NAV3: variants seen among roughly 807,000 people sequenced by gnomAD.
NAV3 encodes the protein pore membrane and/or filament interacting like protein 1.
NAV3 carries 87 observed loss-of-function variants against 244.7 expected under a neutral mutation model. The observed-to-expected ratio is 0.36, with a 90% CI of 0.30 to 0.42. The LOEUF (loss-of-function observed/expected upper bound fraction) is 0.42, where lower values mean the gene tolerates loss of function less well. Among genes scored for constraint, NAV3 ranks in the 20% least tolerant of loss-of-function variants. The pLI, the probability that NAV3 is intolerant of heterozygous loss-of-function variation, is 1.00. For synonymous variants in NAV3, 1,126 were observed against 1,042.2 expected, an observed-to-expected ratio of 1.08 and a Z score of -1.55; for missense variants, 2,663 against 2,893.3, an observed-to-expected ratio of 0.92 and a Z score of 1.83.
In NAV3 at chr12:78,128,549, C is replaced by T. The variant is rs143222812; in HGVS notation, c.4281-157C>T. On this transcript the variant is annotated intron_variant, in intron 17 of 39. Transcript: ENST00000397909. ...TTCCCTATGTGATTCAAACAGATGG[C>T]GTAAGATCATCTGGAAGAACTGAGC... Among the ~76,000 whole-genome samples the T allele has an allele frequency of 6.4e-4, 97 of 152,226 alleles. No individual in the cohort carries two copies. In the East Asian group the frequency reaches 8.3e-3, roughly 13 times the overall value.
At chr12:78,038,997 T>G (rs1434819498) in intron 9 of NAV3, among the ~76,000 whole-genome samples, 1 of 152,166 alleles carries the variant, frequency 6.6e-6, no homozygotes, top group African/African-American at 2.4e-5. Flanking sequence ...AAGAAGCCGG[T>G]ATGCCTTGGT....
At chr12:78,186,737 A>G (rs1289177764) in intron 31 of NAV3, among the ~76,000 whole-genome samples, 1 of 151,928 alleles carries the variant, frequency 6.6e-6, no homozygotes, top group Non-Finnish European at 1.5e-5. Flanking sequence ...TTGGACTTCC[A>G]TAATAAAATA....
intron 1 of NAV3, among the ~76,000 whole-genome samples, chr12:77,883,745 C>A (rs1882952398): frequency 6.6e-6 from 1 of 152,046 alleles, no homozygotes; most frequent in Non-Finnish European, 1.5e-5. Flanking sequence ...CCTCTTTTAT[C>A]TTGAAGATGG....
At chr12:77,697,443 C>T (rs1394770696) in intron 2 of NAV3, among the ~76,000 whole-genome samples, 1 of 152,150 alleles carries the variant, frequency 6.6e-6, no homozygotes, top group East Asian at 1.9e-4. Context: ...AAGCAAGTTG[C>T]TTAATCTCTC....
At chr12:77,998,245 CAT>C in intron 6 of NAV3, 90 bp from the exon 7 acceptor site, 1 of 904,972 alleles carries the variant, frequency 1.1e-6, no homozygotes, top group Non-Finnish European at 1.6e-6. Flanking sequence ...TTTAGAACAT[CAT>C]ATGTTGTAAA....
chr12:77,993,288 G>A (rs566404114), intron 5 of NAV3, among the ~76,000 whole-genome samples: 1 of 152,256 alleles, frequency 6.6e-6, no homozygotes, highest in East Asian at 1.9e-4. Flanking sequence ...AGACATAGTG[G>A]TAAACAGTTC....
intron 2 of NAV3, among the ~76,000 whole-genome samples, chr12:77,787,641 T>C (rs1195908162): frequency 6.6e-6 from 1 of 152,150 alleles, no homozygotes; most frequent in Admixed American, 6.5e-5. Context: ...AGGGGGAAGC[T>C]GCCCCCGTGA....
intron 2 of NAV3, among the ~76,000 whole-genome samples, chr12:77,654,373 A>G (rs1290884364): frequency 6.6e-6 from 1 of 152,218 alleles, no homozygotes; most frequent in African/African-American, 2.4e-5. Context: ...GTCTGAGATC[A>G]AACTGCAAGG....
At chr12:78,019,811 C>T (rs1434083894) in intron 8 of NAV3, among the ~76,000 whole-genome samples, 1 of 151,986 alleles carries the variant, frequency 6.6e-6, no homozygotes, top group Non-Finnish European at 1.5e-5. Flanking sequence ...CTTGTAAGTT[C>T]CGTAAAGTTT....
At chr12:77,995,043 C>T (rs186078509) in intron 6 of NAV3, among the ~76,000 whole-genome samples, 172 bp downstream of exon 6, 38 of 151,824 alleles carry the variant, frequency 2.5e-4, no homozygotes, top group African/African-American at 8.9e-4. Flanking sequence ...CATGTTTGTA[C>T]TAGATAATTA....
intron 2 of NAV3, among the ~76,000 whole-genome samples, chr12:77,781,866 T>C (rs1447803580): frequency 1.3e-5 from 2 of 152,134 alleles, no homozygotes; most frequent in Non-Finnish European, 2.9e-5. Flanking sequence ...GGGCAAGTGT[T>C]TGGCTAGCAA....
chr12:78,198,518 C>G (rs1235179041), intron 35 of NAV3, 87 bp from the exon 36 acceptor site: 1 of 743,796 alleles, frequency 1.3e-6, no homozygotes, highest in African/African-American at 1.8e-5. Context: ...TAATCCATAT[C>G]TATCCTAGTA....
intron 3 of NAV3, among the ~76,000 whole-genome samples, chr12:77,961,297 C>CATGTATATATTACACATATACAT (rs1891936739): frequency 8.3e-5 from 5 of 60,300 alleles, no homozygotes; most frequent in Non-Finnish European, 2.5e-4. Context: ...GCAATATACA[C>CATGTATATATTACACATATACAT]ATATGTATAT....
At chr12:78,017,292 C>A (rs917041317) in intron 8 of NAV3, among the ~76,000 whole-genome samples, 2 of 151,994 alleles carry the variant, frequency 1.3e-5, no homozygotes, top group Non-Finnish European at 2.9e-5. Context: ...AGATGAAGGA[C>A]CTGGCTTATT....
At chr12:77,978,552 AG>A (rs1868929478) in intron 5 of NAV3, among the ~76,000 whole-genome samples, 1 of 152,090 alleles carries the variant, frequency 6.6e-6, no homozygotes, top group Non-Finnish European at 1.5e-5. Context: ...AACATCAAAA[AG>A]TTAACATTTA....
chr12:77,856,685 A>G lies in NAV3; in HGVS notation c.243+24981A>G, dbSNP rs1230220909. ...ATTATTTTACAATGGTTGTGAATGC[A>G]TAACATTAAAATGTTAACTTGAAAG... On this transcript the variant is annotated intron_variant, in intron 1 of 39. Coordinates refer to ENST00000397909, the MANE Select transcript of NAV3 (RefSeq NM_001024383.2). Among the ~76,000 whole-genome samples, 3 of 152,214 alleles carry G rather than the reference A, an allele frequency of 2.0e-5. No individual in the cohort carries two copies. The East Asian group carries it at 5.8e-4, about 29-fold the overall frequency.
upstream of NAV3, among the ~76,000 whole-genome samples, chr12:77,827,994 T>TA (rs1338511153): frequency 1.3e-5 from 2 of 152,194 alleles, no homozygotes; most frequent in African/African-American, 4.8e-5. Context: ...TTCGCTTAAA[T>TA]ATGACTCTCA....
At chr12:78,110,015 C>CCA (rs2138379554) in intron 12 of NAV3, among the ~76,000 whole-genome samples, 1 of 151,988 alleles carries the variant, frequency 6.6e-6, no homozygotes, top group East Asian at 1.9e-4. Flanking sequence ...TTCCTCTTTG[C>CCA]TGATGATATG....
In NAV3 at chr12:78,119,286, A is replaced by T. The variant is rs534756307; in HGVS notation, c.3090A>T (p.Lys1030Asn). 1.2e-6 allele frequency: 2 copies of T among 1,614,152 alleles called. No individual in the cohort carries two copies. The highest frequency in any genetic ancestry group is 2.2e-5 in the South Asian group (2 of 91,074). ...CTGAGAAAGGAAAAGCTCCCCTAAA[A>T]GGATCATCTCTACAAAGATCTCCTT... ...KASEKGKAPL[K>N]GSSLQRSPSD... Residue 1030 changes from lysine (K) to asparagine (N), a missense_variant, in exon 15 of 40, where the codon AAA becomes AAT. By Grantham distance (94) the Lys-to-Asn change is moderately conservative. Coordinates refer to ENST00000397909, the MANE Select transcript of NAV3 (RefSeq NM_001024383.2).
Sources: gnomAD v4.1 joint callset for allele counts (sites outside exome capture counted in the v4.1 genomes callset) on GRCh38, gnomAD v4.1.1 for gene constraint, MANE v1.5 for transcripts, NCBI Gene and HGNC (gene_info 2026-07-23, HGNC 2026-07-21) for gene names.